The following ITPRID1 variants were observed in gnomAD, a reference collection of about 807,000 sequenced individuals.
ITPRID1 encodes ITPR interacting domain containing 1.
Under a neutral mutation model 95.4 loss-of-function variants are expected in ITPRID1, and 96 were observed. The ratio of observed to expected loss-of-function variants is 1.01; its 90% CI spans 0.85 to 1.19. The LOEUF (loss-of-function observed/expected upper bound fraction) is 1.19. ITPRID1 is among the 50% of genes most tolerant of loss of function. The pLI is 0.00. For missense variants in ITPRID1, 1,339 were observed against 1,252.9 expected (o/e 1.07, Z -1.04); for synonymous variants, 510 against 453.6 (o/e 1.12, Z -1.58).
intron 1 of ITPRID1, among the ~76,000 whole-genome samples, chr7:31,546,415 G>A (rs180941836): frequency 1.3e-5 from 2 of 152,154 alleles, no homozygotes; most frequent in African/African-American, 2.4e-5. Context: ...GTGTGTGTGT[G>A]TGCGTGCGCA....
chr7:31,629,440 C>T (rs1466215337), intron 10 of ITPRID1, among the ~76,000 whole-genome samples: 4 of 152,216 alleles, frequency 2.6e-5, no homozygotes. Flanking sequence ...TTCCCCTGGA[C>T]AGAAACACAG....
At chr7:31,514,803 C>CAT (rs1438116598) in intron 1 of ITPRID1, among the ~76,000 whole-genome samples, 2 of 151,888 alleles carry the variant, frequency 1.3e-5, no homozygotes, top group South Asian at 2.1e-4. Context: ...CATATTTGCA[C>CAT]ATATATATAC....
rs1420498122 is a variant in ITPRID1 at position 31,569,781 on chromosome 7, G to T, written c.280G>T (p.Val94Phe). 5.7e-6 allele frequency: 9 copies of T among 1,587,384 alleles called. No homozygotes were observed. Among genetic ancestry groups the T allele is most frequent in the Non-Finnish European group, 7.7e-6 (9 of 1,165,616 alleles). Residue 94 changes from valine to phenylalanine, a missense_variant, in exon 6 of 15, where the codon GTT becomes TTT. Val to Phe is a conservative substitution (Grantham distance 50, BLOSUM62 -1). Transcript: ENST00000615280. ...RTVSLYEQGM[V>F]QMTVKDYMRS... Reference sequence around the variant, plus strand: ...AGTTTCTTTGTATGAACAAGGGATGGTTCAAATGACTGTGAAAGACTACAT... The same window carrying T: ...AGTTTCTTTGTATGAACAAGGGATGTTTCAAATGACTGTGAAAGACTACAT...
At chr7:31,571,134 T>G (rs1460428507) in intron 6 of ITPRID1, among the ~76,000 whole-genome samples, 1 of 151,986 alleles carries the variant, frequency 6.6e-6, no homozygotes, top group African/African-American at 2.4e-5. Context: ...GTTCAAGCAA[T>G]TCGCTGCCTC....
At chr7:31,599,978 G>A (rs1053262032) in intron 10 of ITPRID1, among the ~76,000 whole-genome samples, 5 of 152,164 alleles carry the variant, frequency 3.3e-5, no homozygotes, top group East Asian at 1.9e-4. Flanking sequence ...GATTACAGGC[G>A]TGAGCCACCG....
At chr7:31,546,263 CTGTT>C (rs1424486680) in intron 1 of ITPRID1, among the ~76,000 whole-genome samples, 6 of 151,968 alleles carry the variant, frequency 3.9e-5, no homozygotes, top group African/African-American at 1.2e-4. Context: ...GATTTTTCAT[CTGTT>C]TGTTAGCTGT....
At chr7:31,599,644 TCTTTTTCTTTCTTTC>T (rs1192761726) in intron 10 of ITPRID1, among the ~76,000 whole-genome samples, 30 of 54,512 alleles carry the variant, frequency 5.5e-4, no homozygotes, top group African/African-American at 1.5e-3. Flanking sequence ...TTTCTTTCTT[TCTTTTTCTTTCTTTC>T]CTTTCTCTCT....
chr7:31,516,764 G>A (rs1783053871), intron 1 of ITPRID1, among the ~76,000 whole-genome samples: 1 of 152,228 alleles, frequency 6.6e-6, no homozygotes, highest in Admixed American at 6.5e-5. Context: ...GTGACAAGAT[G>A]TGACTGGTAC....
Position 31,578,419 on chromosome 7 carries a change from A to G in ITPRID1, c.1155A>G (p.Ser385=), listed in dbSNP as rs778563629. Residue 385 remains serine (S), a synonymous_variant, in exon 9 of 15, where the codon TCA becomes TCG. Coordinates refer to ENST00000615280, the MANE Select transcript of ITPRID1 (RefSeq NM_001257967.3). ...LSHLAGKGPD[S]FEMEEVQSFE... Reference sequence around the variant, plus strand: ...ATCTTGCAGGCAAAGGACCAGACTCATTTGAAATGGAAGAGGTCAGTGCTG... The same window carrying G: ...ATCTTGCAGGCAAAGGACCAGACTCGTTTGAAATGGAAGAGGTCAGTGCTG... 12 of 1,604,924 alleles carry G rather than the reference A, an allele frequency of 7.5e-6. No individual in the cohort carries two copies. The highest frequency in any genetic ancestry group is 1.3e-5 in the African/African-American group (1 of 74,762).
intron 8 of ITPRID1, among the ~76,000 whole-genome samples, chr7:31,576,919 C>T (rs1433134936): frequency 1.3e-4 from 19 of 147,562 alleles, no homozygotes; most frequent in Admixed American, 1.3e-3. Context: ...AAATATTTTC[C>T]ACTTTTTTTT....
chr7:31,603,176 A>G (rs973519068), intron 10 of ITPRID1, among the ~76,000 whole-genome samples: 7 of 152,094 alleles, frequency 4.6e-5, no homozygotes, highest in African/African-American at 1.7e-4. Flanking sequence ...GAGGCAATCA[A>G]TCAGAGATGT....
intron 10 of ITPRID1, among the ~76,000 whole-genome samples, chr7:31,629,258 A>G (rs1788779129): frequency 6.9e-6 from 1 of 144,418 alleles, no homozygotes; most frequent in Non-Finnish European, 1.5e-5. Flanking sequence ...ATGTAGACAA[A>G]GAAGATATGT....
intron 1 of ITPRID1, among the ~76,000 whole-genome samples, chr7:31,536,649 A>G (rs1783768155): frequency 1.3e-5 from 2 of 152,210 alleles, no homozygotes; most frequent in Admixed American, 6.5e-5. Flanking sequence ...CCACTTGTAT[A>G]GAGCACTGAA....
chr7:31,576,750 A>G (rs1020767756), intron 8 of ITPRID1, among the ~76,000 whole-genome samples: 2 of 152,194 alleles, frequency 1.3e-5, no homozygotes, highest in African/African-American at 4.8e-5. Context: ...TGATGATGCA[A>G]ACACAACAAA....
chr7:31,600,792 T>G (rs1262401731), intron 10 of ITPRID1, among the ~76,000 whole-genome samples: 1 of 152,142 alleles, frequency 6.6e-6, no homozygotes, highest in Non-Finnish European at 1.5e-5. Flanking sequence ...TTTTTGTCTC[T>G]CAACATGCAT....
At chr7:31,621,666 A>C (rs6967444) in intron 10 of ITPRID1, among the ~76,000 whole-genome samples, 75 of 147,854 alleles carry the variant, frequency 5.1e-4, no homozygotes, top group Middle Eastern at 3.6e-3. Context: ...CAAAATGTAA[A>C]GACCATCGAG....
chr7:31,645,932 G>C (rs1258623215), intron 12 of ITPRID1, among the ~76,000 whole-genome samples: 7 of 152,108 alleles, frequency 4.6e-5, no homozygotes, highest in African/African-American at 1.7e-4. Flanking sequence ...CACGTAGTTT[G>C]TAAGGGGAAA....
At chr7:31,544,945 T>C (rs1431898006) in intron 1 of ITPRID1, among the ~76,000 whole-genome samples, 1 of 152,160 alleles carries the variant, frequency 6.6e-6, no homozygotes, top group African/African-American at 2.4e-5. Context: ...CACTGTTATC[T>C]ATATCTTGAA....
At chr7:31,543,722 A>T (rs1784005838) in intron 1 of ITPRID1, among the ~76,000 whole-genome samples, 1 of 151,450 alleles carries the variant, frequency 6.6e-6, no homozygotes, top group Admixed American at 6.6e-5. Flanking sequence ...TTGTCTTTTC[A>T]TTTTCTCTTG....
Sources: gnomAD v4.1 joint callset for allele counts (sites outside exome capture counted in the v4.1 genomes callset) on GRCh38, gnomAD v4.1.1 for gene constraint, MANE v1.5 for transcripts, NCBI Gene and HGNC (gene_info 2026-07-23, HGNC 2026-07-21) for gene names.